Variants in SLC9A9 observed in about 807,000 individuals in gnomAD.
SLC9A9 encodes solute carrier family 9 member A9, also known as sodium/hydrogen exchanger 9.
In SLC9A9, 62 loss-of-function variants were observed where a neutral mutation model predicts 77.8. The observed-to-expected ratio is 0.80, with a 90% CI of 0.65 to 0.98. SLC9A9 has a LOEUF of 0.98. Ranked by LOEUF, SLC9A9 falls within the 50% of genes least tolerant of loss-of-function variation. The probability of loss-of-function intolerance (pLI) is 0.00; values close to 1 mark genes in which losing one functional copy is unlikely to be tolerated. For missense variants in SLC9A9, 775 were observed against 774.9 expected, an observed-to-expected ratio of 1.00 and a Z score of 0.00; for synonymous variants, 320 against 283.5, an observed-to-expected ratio of 1.13 and a Z score of -1.29.
rs567201357 is a variant in SLC9A9, at chr3:143,612,211, T to C, written c.756-33488A>G. Among the ~76,000 whole-genome samples the C allele has an allele frequency of 7.9e-5, 12 of 152,332 alleles. No homozygotes were observed. The South Asian group carries it at 2.5e-3, about 32-fold the overall frequency. On this transcript the variant is annotated intron_variant, in intron 6 of 15. Coordinates refer to ENST00000316549, the MANE Select transcript of SLC9A9 (RefSeq NM_173653.4). ...GTGATTGCCATTGTCAGTGTCAAGT[T>C]TGAAGAGAAATAGATGTCACTACAG...
At chr3:143,578,861 C>G (rs1485687324) in intron 6 of SLC9A9, 138 bp from the exon 7 acceptor site, 2 of 1,000,102 alleles carry the variant, frequency 2.0e-6, no homozygotes, top group Non-Finnish European at 3.1e-6. Context: ...AAAACAGATA[C>G]AGAAGGGGAG....
At chr3:143,382,002 G>A in intron 13 of SLC9A9, 58 bp downstream of exon 13, 3 of 1,591,336 alleles carry the variant, frequency 1.9e-6, no homozygotes, top group Non-Finnish European at 1.7e-6. Context: ...ACATGGAACA[G>A]CCTATGGAAC....
chr3:143,394,934 C>T (rs900031859), intron 12 of SLC9A9, among the ~76,000 whole-genome samples: 60 of 152,108 alleles, frequency 3.9e-4, no homozygotes, highest in Non-Finnish European at 7.5e-4. Context: ...AACCACTGCT[C>T]AGTGAAATAA....
intron 6 of SLC9A9, among the ~76,000 whole-genome samples, chr3:143,647,895 TA>T (rs1457605508): frequency 6.6e-6 from 1 of 152,212 alleles, no homozygotes; most frequent in Non-Finnish European, 1.5e-5. Context: ...GATTCATTCC[TA>T]ATAGAGGAAA....
chr3:143,760,812 GA>G (rs1341664322), intron 4 of SLC9A9, among the ~76,000 whole-genome samples: 1 of 152,126 alleles, frequency 6.6e-6, no homozygotes, highest in Non-Finnish European at 1.5e-5. Context: ...AGCTACCAAT[GA>G]CTTTCTTCAC....
chr3:143,808,397 A>G (rs1018390768), intron 2 of SLC9A9, among the ~76,000 whole-genome samples: 1 of 152,358 alleles, frequency 6.6e-6, no homozygotes, highest in Admixed American at 6.5e-5. Context: ...TATTACATTA[A>G]TTTATTTTCA....
At chr3:143,544,986 C>T (rs185668168) in intron 9 of SLC9A9, among the ~76,000 whole-genome samples, 169 of 152,150 alleles carry the variant, frequency 1.1e-3, no homozygotes, top group African/African-American at 3.8e-3. Context: ...AGTAGGTGTG[C>T]AGCTTTATTT....
At chr3:143,505,349 G>T (rs1441254230) in intron 9 of SLC9A9, among the ~76,000 whole-genome samples, 7 of 152,076 alleles carry the variant, frequency 4.6e-5, no homozygotes, top group Admixed American at 4.6e-4. Context: ...TTTGCCCTGT[G>T]CCCTACAGTA....
chr3:143,560,908 C>T (rs1205178629), intron 8 of SLC9A9, among the ~76,000 whole-genome samples: 10 of 152,180 alleles, frequency 6.6e-5, no homozygotes, highest in East Asian at 1.9e-4. Flanking sequence ...AGGCCAAACG[C>T]GGTGGCTCAC....
chr3:143,304,745 T>A (rs764655387), intron 14 of SLC9A9, among the ~76,000 whole-genome samples: 2 of 152,206 alleles, frequency 1.3e-5, no homozygotes, highest in Non-Finnish European at 1.5e-5. Flanking sequence ...ATCCATCTTG[T>A]ATTAGTTTTC....
intron 15 of SLC9A9, 89 bp downstream of exon 15, chr3:143,268,786 G>A (rs1937809564): frequency 2.3e-6 from 2 of 873,112 alleles, no homozygotes; most frequent in African/African-American, 1.7e-5. Context: ...CAAGTAGCAG[G>A]CTTTTTGAGG....
At chr3:143,487,458 A>G (rs1723032) in intron 11 of SLC9A9, among the ~76,000 whole-genome samples, 68,174 of 151,562 alleles carry the variant, frequency 0.45, 16,632 homozygotes, top group Non-Finnish European at 0.54. Flanking sequence ...CCCAACGACA[A>G]CAACATACAC....
intron 14 of SLC9A9, among the ~76,000 whole-genome samples, chr3:143,321,687 G>T (rs190719689): frequency 6.6e-6 from 1 of 152,274 alleles, no homozygotes; most frequent in African/African-American, 2.4e-5. Context: ...AGCTGAAATG[G>T]TACATCCATT....
intron 6 of SLC9A9, among the ~76,000 whole-genome samples, chr3:143,578,968 G>A (rs145181317): frequency 1.4e-3 from 215 of 152,252 alleles, no homozygotes; most frequent in African/African-American, 4.9e-3. Flanking sequence ...TATTGGAAGG[G>A]TCATAAAGAA....
intron 14 of SLC9A9, among the ~76,000 whole-genome samples, chr3:143,312,621 A>C (rs2031058762): frequency 1.3e-5 from 2 of 152,118 alleles, no homozygotes. Flanking sequence ...CAGAGAAGTA[A>C]TTTTCTACAC....
intron 4 of SLC9A9, among the ~76,000 whole-genome samples, chr3:143,725,520 A>C (rs1489899734): frequency 4.7e-5 from 7 of 148,504 alleles, no homozygotes; most frequent in South Asian, 2.2e-4. Flanking sequence ...GATTAAGAAA[A>C]TGTGGCACAT....
intron 4 of SLC9A9, among the ~76,000 whole-genome samples, chr3:143,703,950 T>C (rs1472743229): frequency 2.6e-5 from 4 of 152,072 alleles, no homozygotes; most frequent in African/African-American, 7.2e-5. Flanking sequence ...TGGCAATAAA[T>C]TGGAAAATCT....
At chr3:143,738,965 C>A (rs963440265) in intron 4 of SLC9A9, among the ~76,000 whole-genome samples, 2 of 152,112 alleles carry the variant, frequency 1.3e-5, no homozygotes, top group African/African-American at 4.8e-5. Flanking sequence ...TGAACCCCAT[C>A]TTTTAGGAGT....
chr3:143,453,373 T>C (rs1255450504), intron 12 of SLC9A9, among the ~76,000 whole-genome samples: 1 of 151,968 alleles, frequency 6.6e-6, no homozygotes, highest in African/African-American at 2.4e-5. Flanking sequence ...TCCTTAATAA[T>C]ACCTAAACCC....
Sources: allele counts gnomAD v4.1 joint callset (sites outside exome capture counted in the v4.1 genomes callset), GRCh38; gene constraint gnomAD v4.1.1; transcripts MANE v1.5; gene names NCBI Gene and HGNC (gene_info 2026-07-23, HGNC 2026-07-21).